The following SEMA3A variants were observed in gnomAD, a reference collection of about 807,000 sequenced individuals.
The protein encoded by SEMA3A is semaphorin-3A.
SEMA3A carries 29 observed loss-of-function variants against 97.9 expected under a neutral mutation model. That is an observed-to-expected ratio of 0.30 (90% CI 0.22 to 0.40). The LOEUF (loss-of-function observed/expected upper bound fraction) is 0.40. Ranked by LOEUF, SEMA3A falls within the 10% of genes least tolerant of loss-of-function variation. SEMA3A has a pLI of 1.00. For synonymous variants in SEMA3A, 321 were observed against 323.7 expected (o/e 0.99, Z 0.09); for missense variants, 763 against 951.3 (o/e 0.80, Z 2.60).
At chr7:84,170,357 G>A (rs1797348631) in intron 1 of SEMA3A, among the ~76,000 whole-genome samples, 2 of 152,046 alleles carry the variant, frequency 1.3e-5, no homozygotes, top group Middle Eastern at 3.4e-3. Context: ...ATTTCTCAAG[G>A]TGCTTGATTC....
At chr7:84,300,032 C>CAAAAAA (rs58929555) in intron 3 of SEMA3A, among the ~76,000 whole-genome samples, 14 of 53,218 alleles carry the variant, frequency 2.6e-4, no homozygotes, top group East Asian at 4.8e-4. Flanking sequence ...GACTCAGTCA[C>CAAAAAA]AAAAAAAAAA....
At chr7:84,278,790 T>C (rs1439827779) in intron 3 of SEMA3A, among the ~76,000 whole-genome samples, 1 of 152,078 alleles carries the variant, frequency 6.6e-6, no homozygotes, top group Non-Finnish European at 1.5e-5. Context: ...AAACCATTCA[T>C]GAGAAATCCA....
chr7:84,453,123 T>A (rs1219252074), intron 1 of SEMA3A, among the ~76,000 whole-genome samples: 1 of 151,156 alleles, frequency 6.6e-6, no homozygotes, highest in African/African-American at 2.4e-5. Flanking sequence ...GGAAAAAAAA[T>A]AGTCGTATCC....
intron 6 of SEMA3A, among the ~76,000 whole-genome samples, chr7:84,032,658 A>G (rs181833016): frequency 3.3e-5 from 5 of 152,200 alleles, no homozygotes. Flanking sequence ...GTTTAATCTG[A>G]AAGATCTTAT....
intron 3 of SEMA3A, among the ~76,000 whole-genome samples, chr7:84,116,457 T>C (rs192799732): frequency 2.0e-4 from 31 of 152,290 alleles, no homozygotes; most frequent in Admixed American, 1.8e-3. Context: ...CAAATGCCCA[T>C]AGGGTAAATG....
intron 4 of SEMA3A, among the ~76,000 whole-genome samples, chr7:84,071,271 T>C (rs532153725): frequency 1.0e-3 from 152 of 152,202 alleles, no homozygotes; most frequent in Non-Finnish European, 1.7e-3. Flanking sequence ...GAACAACACG[T>C]GTCCAAATTC....
At chr7:84,360,617 A>G (rs1262399142) in intron 2 of SEMA3A, among the ~76,000 whole-genome samples, 3 of 152,024 alleles carry the variant, frequency 2.0e-5, no homozygotes, top group Non-Finnish European at 4.4e-5. Context: ...CACATTTTTT[A>G]CTTACCCAAA....
intron 3 of SEMA3A, among the ~76,000 whole-genome samples, chr7:84,270,076 C>A (rs1041855005): frequency 2.0e-5 from 3 of 151,986 alleles, no homozygotes; most frequent in Admixed American, 6.6e-5. Flanking sequence ...GATTTGGTAT[C>A]CCCTGAGGTA....
intron 6 of SEMA3A, among the ~76,000 whole-genome samples, chr7:84,025,623 C>T (rs1791516960): frequency 9.7e-6 from 1 of 103,168 alleles, no homozygotes; most frequent in Non-Finnish European, 2.2e-5. Flanking sequence ...CTGTGAATAG[C>T]CTTTGGGATA....
intron 1 of SEMA3A, among the ~76,000 whole-genome samples, chr7:84,394,741 A>AT (rs1319233880): frequency 2.0e-5 from 3 of 152,150 alleles, no homozygotes; most frequent in Non-Finnish European, 4.4e-5. Flanking sequence ...TACGAATAGA[A>AT]TTTTCATTGC....
At chr7:84,251,438 G>A (rs754740990) in intron 3 of SEMA3A, among the ~76,000 whole-genome samples, 3 of 152,168 alleles carry the variant, frequency 2.0e-5, no homozygotes, top group Non-Finnish European at 4.4e-5. Context: ...CACATGGTCA[G>A]AAGAACTAAC....
At chr7:84,023,846 T>TA (rs965650733) in intron 6 of SEMA3A, among the ~76,000 whole-genome samples, 1 of 151,576 alleles carries the variant, frequency 6.6e-6, no homozygotes, top group Non-Finnish European at 1.5e-5. Context: ...CCGTCTCTAC[T>TA]AAAAAATACA....
chr7:84,448,374 G>C (rs1334536980), intron 1 of SEMA3A, among the ~76,000 whole-genome samples: 3 of 152,116 alleles, frequency 2.0e-5, no homozygotes, highest in Non-Finnish European at 4.4e-5. Flanking sequence ...ATCTCTGTTT[G>C]CAGCTGATAT....
At chr7:84,342,247 T>C (rs1050287987) in intron 2 of SEMA3A, among the ~76,000 whole-genome samples, 1 of 151,984 alleles carries the variant, frequency 6.6e-6, no homozygotes, top group Admixed American at 6.6e-5. Flanking sequence ...GTTGGTCAGG[T>C]TGGTCTCGAA....
chr7:84,393,745 C>A (rs1303376698), intron 1 of SEMA3A, among the ~76,000 whole-genome samples: 3 of 152,086 alleles, frequency 2.0e-5, no homozygotes, highest in Non-Finnish European at 1.5e-5. Flanking sequence ...ATTTGATAAA[C>A]AGATGAGCCC....
chr7:84,245,152 A>T (rs1485243332), intron 3 of SEMA3A, among the ~76,000 whole-genome samples: 1 of 151,992 alleles, frequency 6.6e-6, no homozygotes, highest in African/African-American at 2.4e-5. Context: ...TAGGATGGGG[A>T]AGTTCTCCTG....
intron 12 of SEMA3A, among the ~76,000 whole-genome samples, chr7:83,998,982 T>C (rs896822769): frequency 6.6e-6 from 1 of 152,178 alleles, no homozygotes; most frequent in Non-Finnish European, 1.5e-5. Context: ...TCTCCTATGA[T>C]AACAATGCTA....
At chr7:84,444,652 C>T (rs1369076665) in intron 1 of SEMA3A, among the ~76,000 whole-genome samples, 1 of 151,410 alleles carries the variant, frequency 6.6e-6, no homozygotes, top group African/African-American at 2.4e-5. Flanking sequence ...AGCTCCCCCT[C>T]CCGGCTTCAC....
intron 1 of SEMA3A, among the ~76,000 whole-genome samples, chr7:84,173,886 C>T (rs1797476957): frequency 6.6e-6 from 1 of 152,058 alleles, no homozygotes; most frequent in Non-Finnish European, 1.5e-5. Context: ...GAGTCAGAAC[C>T]CTATTGTGAA....
Sources: gnomAD v4.1 joint callset for allele counts (sites outside exome capture counted in the v4.1 genomes callset) on GRCh38, gnomAD v4.1.1 for gene constraint, MANE v1.5 for transcripts, NCBI Gene and HGNC (gene_info 2026-07-23, HGNC 2026-07-21) for gene names.